PKHD1: variants seen among roughly 807,000 people sequenced by gnomAD.
The protein encoded by PKHD1 is PKHD1 ciliary IPT domain containing fibrocystin/polyductin.
Under a neutral mutation model 412.0 loss-of-function variants are expected in PKHD1, and 291 were observed. That is an observed-to-expected ratio of 0.71 (90% CI 0.64 to 0.78). The LOEUF is 0.78. PKHD1 is among the 30% of genes least tolerant of loss of function. The pLI is 0.00. For missense variants in PKHD1, 4,825 were observed against 4,950.7 expected, an observed-to-expected ratio of 0.97 and a Z score of 0.76; for synonymous variants, 1,777 against 1,821.5, an observed-to-expected ratio of 0.98 and a Z score of 0.62.
At chr6:51,900,020 A>T (rs1390754595) in intron 43 of PKHD1, among the ~76,000 whole-genome samples, 1 of 152,278 alleles carries the variant, frequency 6.6e-6, no homozygotes, top group African/African-American at 2.4e-5. Flanking sequence ...ATCAAAGAGG[A>T]TACAAACAAA....
At chr6:51,654,806 T>A (rs1771547190) in intron 61 of PKHD1, among the ~76,000 whole-genome samples, 2 of 152,106 alleles carry the variant, frequency 1.3e-5, no homozygotes, top group South Asian at 2.1e-4. Context: ...GATTGTGAAG[T>A]AAATGACAGA....
intron 53 of PKHD1, among the ~76,000 whole-genome samples, chr6:51,777,726 T>G (rs1191879947): frequency 1.6e-5 from 2 of 124,998 alleles, no homozygotes; most frequent in Admixed American, 8.3e-5. Flanking sequence ...GGCCTAGCAC[T>G]AAAGAGATAC....
chr6:51,946,838 T>G (rs1353246926), intron 36 of PKHD1, among the ~76,000 whole-genome samples: 2 of 152,236 alleles, frequency 1.3e-5, no homozygotes, highest in African/African-American at 4.8e-5. Flanking sequence ...TAAAAGAGAC[T>G]TTTAGCAGCT....
intron 32 of PKHD1, among the ~76,000 whole-genome samples, chr6:52,024,038 C>G (rs1470443714): frequency 6.6e-6 from 1 of 152,174 alleles, no homozygotes; most frequent in Admixed American, 6.5e-5. Context: ...AAATTGAAAG[C>G]TTTTCTTCAC....
intron 35 of PKHD1, among the ~76,000 whole-genome samples, chr6:51,988,115 T>C (rs568928510): frequency 2.0e-4 from 31 of 152,184 alleles, no homozygotes; most frequent in Non-Finnish European, 4.3e-4. Flanking sequence ...TTTCTTAAGA[T>C]TTAGTTGTTG....
intron 47 of PKHD1, among the ~76,000 whole-genome samples, chr6:51,869,212 T>C (rs1775567185): frequency 6.6e-6 from 1 of 152,120 alleles, no homozygotes; most frequent in Non-Finnish European, 1.5e-5. Context: ...CTTTGTGATT[T>C]CCCAAGCACA....
chr6:51,886,367 T>C (rs531273581), intron 44 of PKHD1, among the ~76,000 whole-genome samples: 13 of 152,196 alleles, frequency 8.5e-5, no homozygotes, highest in Non-Finnish European at 1.6e-4. Flanking sequence ...CACAATTATA[T>C]ACAAAAGCCA....
chr6:52,043,161 C>A (rs2128183127), intron 26 of PKHD1, 27 bp from the exon 27 acceptor site: 2 of 1,559,740 alleles, frequency 1.3e-6, no homozygotes, highest in Non-Finnish European at 1.8e-6. Flanking sequence ...AATTAAAAAA[C>A]AAATAAAATA....
chr6:51,982,890 T>G (rs9370089), intron 35 of PKHD1, among the ~76,000 whole-genome samples: 1 of 37,642 alleles, frequency 2.7e-5, no homozygotes, highest in African/African-American at 4.9e-5. Flanking sequence ...TAAAATAAAA[T>G]AAAAAAAAGA....
chr6:52,019,562 A>G (rs1801099297), intron 33 of PKHD1, among the ~76,000 whole-genome samples: 1 of 152,220 alleles, frequency 6.6e-6, no homozygotes, highest in Non-Finnish European at 1.5e-5. Context: ...GATTAAGTAG[A>G]TGCAAATTGA....
chr6:51,890,235 C>A (rs1023844587), intron 43 of PKHD1, among the ~76,000 whole-genome samples: 1 of 152,116 alleles, frequency 6.6e-6, no homozygotes, highest in African/African-American at 2.4e-5. Context: ...TCAGAGCCAG[C>A]TCCATCCAAG....
intron 43 of PKHD1, among the ~76,000 whole-genome samples, chr6:51,887,659 G>A (rs567365131): frequency 6.6e-6 from 1 of 152,266 alleles, no homozygotes; most frequent in Admixed American, 6.5e-5. Context: ...TTCCTGCCAT[G>A]TAAGTTGCCT....
chr6:51,969,560 T>A (rs1461454334), intron 35 of PKHD1, among the ~76,000 whole-genome samples: 1 of 152,128 alleles, frequency 6.6e-6, no homozygotes, highest in Non-Finnish European at 1.5e-5. Flanking sequence ...CTTTCCACCC[T>A]CCCACCCTTC....
Position 52,025,671 on chromosome 6 carries a change from A to G in PKHD1, c.4139T>C (p.Val1380Ala), listed in dbSNP as rs748168017. 12 of 1,614,100 alleles carry G rather than the reference A, an allele frequency of 7.4e-6. No homozygotes were observed. In the Admixed American group the frequency reaches 8.3e-5, roughly 11 times the overall value. ...QKQMGFANMS[V>A]VLQQFAVMPR... ...CATCACTGCAAATTGCTGGAGCACC[A>G]CAGACATATTAGCAAATCCCATCTG... The change falls in exon 32 of 67, where the codon GTG becomes GCG. Residue 1380 changes from valine (V) to alanine (A), a missense_variant. Physicochemically the swap from Val to Ala is moderately conservative, Grantham distance 64. Transcript: ENST00000371117.
At chr6:52,004,020 C>T (rs1031820064) in intron 35 of PKHD1, among the ~76,000 whole-genome samples, 15 of 152,096 alleles carry the variant, frequency 9.9e-5, no homozygotes, top group Non-Finnish European at 1.3e-4. Context: ...CTTCTTAGAT[C>T]GGTGAATTTG....
chr6:51,981,314 T>C (rs1473359876), intron 35 of PKHD1, among the ~76,000 whole-genome samples: 100 of 6,540 alleles, frequency 0.015, 2 homozygotes, highest in Non-Finnish European at 0.03. Flanking sequence ...GCTCAAGCTC[T>C]CCCTCTCCCT....
Position 51,823,557 on chromosome 6 carries a change from T to TAAGTGAG in PKHD1, c.8302+7297_8302+7303dup, listed in dbSNP as rs535388118. Among the ~76,000 whole-genome samples, 891 of 152,218 alleles carry TAAGTGAG rather than the reference T, an allele frequency of 5.9e-3. 12 individuals carry two copies. The highest frequency in any genetic ancestry group is 0.02 in the African/African-American group (840 of 41,526). On this transcript the variant is annotated intron_variant, in intron 52 of 66. Coordinates refer to ENST00000371117, the MANE Select transcript of PKHD1 (RefSeq NM_138694.4). ...GACTTTGGATCCCAAGAGTAGACCC[T>TAAGTGAG]AAGTGAGTTCTAATTAGCCAGAAAC...
intron 34 of PKHD1, among the ~76,000 whole-genome samples, chr6:52,011,389 A>G (rs750680911): frequency 6.6e-6 from 1 of 152,256 alleles, no homozygotes; most frequent in Non-Finnish European, 1.5e-5. Flanking sequence ...ATCTCATTTC[A>G]GCCTATAAAT....
At chr6:51,859,373 A>G (rs181519848) in intron 48 of PKHD1, among the ~76,000 whole-genome samples, 1 of 152,118 alleles carries the variant, frequency 6.6e-6, no homozygotes, top group African/African-American at 2.4e-5. Context: ...AAAAATACAA[A>G]AAATTAGCTG....
Sources: allele counts gnomAD v4.1 joint callset (sites outside exome capture counted in the v4.1 genomes callset), GRCh38; gene constraint gnomAD v4.1.1; transcripts MANE v1.5; gene names NCBI Gene and HGNC (gene_info 2026-07-23, HGNC 2026-07-21).